CEP112: variants seen among roughly 807,000 people sequenced by gnomAD.
The protein encoded by CEP112 is centrosomal protein of 112 kDa.
CEP112 carries 127 observed loss-of-function variants against 153.0 expected under a neutral mutation model. The observed-to-expected ratio is 0.83, with a 90% confidence interval of 0.72 to 0.96. The LOEUF is 0.96. Ranked by LOEUF, CEP112 falls within the 40% of genes least tolerant of loss-of-function variation. CEP112 has a pLI of 0.00. For synonymous variants in CEP112, 358 were observed against 374.4 expected, an observed-to-expected ratio of 0.96 and a Z score of 0.51; for missense variants, 1,089 against 1,101.2, an observed-to-expected ratio of 0.99 and a Z score of 0.16.
chr17:65,920,221 G>A lies in CEP112; in HGVS notation c.1980+7361C>T, dbSNP rs911229519. 2.9e-4 allele frequency among the ~76,000 whole-genome samples: 44 copies of A among 150,162 alleles called. 1 individual carries two copies. Among genetic ancestry groups the A allele is most frequent in the Admixed American group, 2.5e-3 (37 of 15,096 alleles). ...TTAGCCAGGAGTGGTGGCGTACCAC[G>A]TGTAATCCCAGCTACTTGGGAGGCT... On this transcript the variant is annotated intron_variant, in intron 19 of 26. Coordinates refer to ENST00000535342, the MANE Select transcript of CEP112 (RefSeq NM_001199165.4).
intron 20 of CEP112, among the ~76,000 whole-genome samples, chr17:65,855,516 G>A (rs959425287): frequency 7.2e-5 from 11 of 152,150 alleles, no homozygotes; most frequent in Non-Finnish European, 4.4e-5. Context: ...CTGTGAAAGG[G>A]AGTGGTACGG....
At chr17:65,793,376 G>A (rs1318395365) in intron 21 of CEP112, among the ~76,000 whole-genome samples, 1 of 152,140 alleles carries the variant, frequency 6.6e-6, no homozygotes, top group Non-Finnish European at 1.5e-5. Context: ...AGGAAGAACA[G>A]CTAATGGATG....
At chr17:65,715,333 G>A (rs573713175) in intron 23 of CEP112, among the ~76,000 whole-genome samples, 112 of 152,208 alleles carry the variant, frequency 7.4e-4, no homozygotes, top group Middle Eastern at 3.4e-3. Flanking sequence ...GTAGGAGTGA[G>A]TGAGTTTGCT....
intron 21 of CEP112, 92 bp from the exon 22 acceptor site, chr17:65,750,816 C>A (rs776528439): frequency 1.2e-5 from 13 of 1,101,214 alleles, no homozygotes; most frequent in Non-Finnish European, 1.5e-5. Flanking sequence ...GGGATGCCTG[C>A]CAGCTGCACC....
At chr17:65,659,003 G>A (rs1459455877) in intron 24 of CEP112, among the ~76,000 whole-genome samples, 2 of 111,326 alleles carry the variant, frequency 1.8e-5, no homozygotes, top group Non-Finnish European at 3.3e-5. Context: ...GTGACAGAGC[G>A]AGACTCTGTC....
intron 9 of CEP112, among the ~76,000 whole-genome samples, chr17:66,068,504 T>C (rs145219922): frequency 1.9e-3 from 284 of 152,246 alleles, no homozygotes; most frequent in African/African-American, 6.6e-3. Context: ...TGTATACTAA[T>C]AGGTAAAACA....
intron 21 of CEP112, among the ~76,000 whole-genome samples, chr17:65,791,005 T>A (rs1261639478): frequency 6.7e-6 from 1 of 149,466 alleles, no homozygotes; most frequent in African/African-American, 2.4e-5. Flanking sequence ...CCTATCTATA[T>A]CCCAATTACA....
chr17:66,056,245 G>C (rs76995793), intron 11 of CEP112, among the ~76,000 whole-genome samples: 1 of 152,270 alleles, frequency 6.6e-6, no homozygotes, highest in Non-Finnish European at 1.5e-5. Flanking sequence ...AGGAGACCCA[G>C]AGGCAACAGA....
intron 12 of CEP112, among the ~76,000 whole-genome samples, chr17:66,042,515 C>G (rs575047365): frequency 1.3e-5 from 2 of 151,966 alleles, no homozygotes; most frequent in South Asian, 2.1e-4. Context: ...TATGCCTAAC[C>G]AGTCAATACT....
At chr17:65,952,578 G>A (rs1024270423) in intron 18 of CEP112, among the ~76,000 whole-genome samples, 4 of 152,054 alleles carry the variant, frequency 2.6e-5, no homozygotes, top group Admixed American at 6.6e-5. Context: ...GTCAGTATTT[G>A]TGCAATAGTC....
At chr17:66,180,563 T>C (rs927113975) in intron 2 of CEP112, among the ~76,000 whole-genome samples, 17 of 152,128 alleles carry the variant, frequency 1.1e-4, no homozygotes, top group East Asian at 3.9e-4. Flanking sequence ...AGCTGATTGA[T>C]TGAGGGTTTT....
Position 66,023,359 on chromosome 17 carries a change from A to G in CEP112, c.1656+4142T>C, listed in dbSNP as rs562795473. On this transcript the variant is annotated intron_variant, in intron 16 of 26. Coordinates refer to ENST00000535342, the MANE Select transcript of CEP112 (RefSeq NM_001199165.4). ...CTATTAAGAAAAAAAACATCAGACT[A>G]ACATCAGACTTCTCAGCACAAACCT... Among the ~76,000 whole-genome samples the G allele has an allele frequency of 5.9e-5, 9 of 152,298 alleles. No homozygotes were observed. In the South Asian group the frequency reaches 1.7e-3, roughly 28 times the overall value.
At chr17:65,944,109 C>T (rs1337302392) in intron 18 of CEP112, among the ~76,000 whole-genome samples, 1 of 152,150 alleles carries the variant, frequency 6.6e-6, no homozygotes. Flanking sequence ...AACACAGGAA[C>T]AGAAAACCAA....
intron 24 of CEP112, among the ~76,000 whole-genome samples, chr17:65,669,380 G>T (rs1419197229): frequency 6.6e-6 from 1 of 152,162 alleles, no homozygotes; most frequent in South Asian, 2.1e-4. Flanking sequence ...GGGTATAAAC[G>T]TAGGGTTGGA....
chr17:66,103,331 C>T (rs190476879), intron 6 of CEP112, among the ~76,000 whole-genome samples: 28 of 151,630 alleles, frequency 1.8e-4, no homozygotes, highest in Admixed American at 1.1e-3. Flanking sequence ...GTAGTGGAAT[C>T]CTAAACAGCA....
intron 1 of CEP112, among the ~76,000 whole-genome samples, chr17:66,188,960 G>A (rs1438510196): frequency 6.6e-6 from 1 of 152,136 alleles, no homozygotes; most frequent in African/African-American, 2.4e-5. Context: ...ATTTGCCTGA[G>A]AACATCTATA....
At chr17:65,952,485 A>G (rs1266915101) in intron 18 of CEP112, among the ~76,000 whole-genome samples, 1 of 152,058 alleles carries the variant, frequency 6.6e-6, no homozygotes, top group Non-Finnish European at 1.5e-5. Context: ...ATTTCATTGT[A>G]CATACCACAT....
chr17:65,884,674 C>G (rs934502473), intron 20 of CEP112, among the ~76,000 whole-genome samples: 2 of 150,750 alleles, frequency 1.3e-5, no homozygotes, highest in African/African-American at 4.9e-5. Context: ...GGAATTTATT[C>G]CAACTATAGT....
intron 20 of CEP112, among the ~76,000 whole-genome samples, chr17:65,863,749 CAAAAAAAAAA>C (rs397949072): frequency 1.6e-5 from 2 of 125,672 alleles, no homozygotes; most frequent in Non-Finnish European, 3.2e-5. Flanking sequence ...GACTCTGTCT[CAAAAAAAAAA>C]AGAAAAAAAA....
Sources: gnomAD v4.1 joint callset for allele counts (sites outside exome capture counted in the v4.1 genomes callset) on GRCh38, gnomAD v4.1.1 for gene constraint, MANE v1.5 for transcripts, NCBI Gene and HGNC (gene_info 2026-07-23, HGNC 2026-07-21) for gene names.